Variants in EPG5 observed in about 807,000 individuals in gnomAD.
EPG5 encodes the protein ectopic P-granules 5 autophagy tethering factor.
EPG5 carries 159 observed loss-of-function variants against 302.7 expected under a neutral mutation model. The observed-to-expected ratio is 0.53, with a 90% CI of 0.46 to 0.60. The LOEUF (loss-of-function observed/expected upper bound fraction) is 0.60, where lower values mean the gene tolerates loss of function less well. Among genes scored for constraint, EPG5 ranks in the 20% least tolerant of loss-of-function variants. The pLI is 0.00. For synonymous variants in EPG5, 1,158 were observed against 1,136.8 expected (o/e 1.02, Z -0.37); for missense variants, 2,896 against 3,092.4 (o/e 0.94, Z 1.51).
chr18:45,828,582 G>A, the EPG5 span, among the ~76,000 whole-genome samples: 1 of 152,156 alleles, frequency 6.6e-6, no homozygotes, highest in Admixed American at 6.5e-5. Flanking sequence ...AACCCCTTGT[G>A]CCAGGCCTGT....
intron 29 of EPG5, among the ~76,000 whole-genome samples, chr18:45,886,803 C>A (rs1002464111): frequency 6.6e-6 from 1 of 152,096 alleles, no homozygotes; most frequent in Non-Finnish European, 1.5e-5. Context: ...GGATTATAGG[C>A]ACGCACCACC....
At chr18:45,819,154 A>G in the EPG5 span, among the ~76,000 whole-genome samples, 4 of 152,238 alleles carry the variant, frequency 2.6e-5, no homozygotes, top group African/African-American at 7.2e-5. Context: ...TGACTCATTT[A>G]AATATCACCT....
At chr18:45,830,528 A>G in the EPG5 span, among the ~76,000 whole-genome samples, 1,427 of 151,204 alleles carry the variant, frequency 9.4e-3, 17 homozygotes, top group African/African-American at 0.031. Context: ...CTTTCAGGTC[A>G]GTTTTCTGAA....
chr18:45,855,612 C>A lies in EPG5; in HGVS notation c.7518G>T (p.Arg2506Ser), dbSNP rs2048500149. 3.1e-6 allele frequency: 5 copies of A among 1,614,068 alleles called. No individual in the cohort carries two copies. The highest frequency in any genetic ancestry group is 2.2e-5 in the East Asian group (1 of 44,878). Residue 2506 changes from arginine to serine, a missense_variant, in exon 43 of 44, where the codon AGG becomes AGT. By Grantham distance (110) the Arg-to-Ser change is moderately radical. Coordinates refer to ENST00000282041, the MANE Select transcript of EPG5 (RefSeq NM_020964.3). ...GGGTCAGATGTAATTCAGAGCCAGGCCTCAAACGGATCTGATCTTCCATAG... is the reference window on the plus strand; with the variant it reads ...GGGTCAGATGTAATTCAGAGCCAGGACTCAAACGGATCTGATCTTCCATAG... The part of the protein sequence containing the change: ...QVPMEDQIRL[R>S]PGSELHLTPK...
rs1036019427 is a variant in EPG5, at chr18:45,913,714, C to T, written c.3808G>A (p.Ala1270Thr). 2 of 1,614,058 alleles carry T rather than the reference C, an allele frequency of 1.2e-6. No homozygotes were observed. Among genetic ancestry groups the T allele is most frequent in the African/African-American group, 2.7e-5 (2 of 75,042 alleles). The change falls in exon 21 of 44, where the codon GCT (alanine) becomes ACT (threonine). Residue 1270 changes from alanine (A) to threonine (T), a missense_variant. Ala to Thr is a moderately conservative substitution (Grantham distance 58). Coordinates refer to ENST00000282041, the MANE Select transcript of EPG5 (RefSeq NM_020964.3). ...AGAACTGCTATTTGTACCTTCAGAG[C>T]TTGGTCAGGGGTGAAAGCAGAGTTT... ...VINSAFTPDQALKKAQTQLKL... is the reference protein window; with the variant it reads ...VINSAFTPDQTLKKAQTQLKL...
At chr18:45,933,342 T>C (rs1407388816) in intron 11 of EPG5, among the ~76,000 whole-genome samples, 1 of 151,568 alleles carries the variant, frequency 6.6e-6, no homozygotes, top group Admixed American at 6.6e-5. Context: ...CAGAGCCCCA[T>C]AAAAGAAAAA....
intron 21 of EPG5, among the ~76,000 whole-genome samples, chr18:45,913,337 T>C (rs1468719272): frequency 6.6e-6 from 1 of 152,152 alleles, no homozygotes; most frequent in Non-Finnish European, 1.5e-5. Context: ...AAGAATCAGC[T>C]AGGAGTTTCA....
intron 11 of EPG5, among the ~76,000 whole-genome samples, chr18:45,931,759 T>C (rs1021392786): frequency 2.0e-5 from 3 of 152,024 alleles, no homozygotes; most frequent in Non-Finnish European, 4.4e-5. Context: ...CACTTGAACC[T>C]GGGAGGCGGA....
intron 27 of EPG5, among the ~76,000 whole-genome samples, chr18:45,896,499 A>G (rs9958360): frequency 0.044 from 6,633 of 151,892 alleles, 422 homozygotes; most frequent in African/African-American, 0.14. Flanking sequence ...TCTCTCCTTC[A>G]TTACTTTTCC....
At chr18:45,864,891 C>T (rs1473993156) in intron 39 of EPG5, among the ~76,000 whole-genome samples, 5 of 152,234 alleles carry the variant, frequency 3.3e-5, no homozygotes, top group Admixed American at 6.5e-5. Flanking sequence ...AAACAGGTAA[C>T]TGTCTTTGCC....
chr18:45,913,559 C>T, intron 21 of EPG5, 147 bp downstream of exon 21: 1 of 946,454 alleles, frequency 1.1e-6, no homozygotes, highest in Non-Finnish European at 1.6e-6. Context: ...TCTTCAATTA[C>T]ACAGTTTTAA....
intron 37 of EPG5, 138 bp from the exon 38 acceptor site, chr18:45,867,145 A>G: frequency 1.5e-6 from 1 of 659,288 alleles, no homozygotes; most frequent in South Asian, 1.9e-5. Flanking sequence ...GTAAGTATCT[A>G]CTCGAGTTAG....
At chr18:45,841,960 A>G in the EPG5 span, 2 of 743,830 alleles carry the variant, frequency 2.7e-6, no homozygotes, top group African/African-American at 3.5e-5. Context: ...CCAGCCTCCG[A>G]TGCCATTCAT....
the EPG5 span, among the ~76,000 whole-genome samples, chr18:45,813,480 A>C: frequency 2.6e-5 from 4 of 152,196 alleles, no homozygotes; most frequent in Non-Finnish European, 1.5e-5. Flanking sequence ...TGTTTATTGC[A>C]GCACTATTCA....
chr18:45,920,482 A>G (rs1251432025), intron 16 of EPG5, among the ~76,000 whole-genome samples: 5 of 152,194 alleles, frequency 3.3e-5, no homozygotes, highest in Admixed American at 2.0e-4. Context: ...TAATAAAGAA[A>G]AAAAGGCTTA....
At chr18:45,966,436 GTA>G (rs927928295) in intron 1 of EPG5, among the ~76,000 whole-genome samples, 3 of 141,596 alleles carry the variant, frequency 2.1e-5, no homozygotes, top group African/African-American at 9.1e-5. Flanking sequence ...ATATATGTAC[GTA>G]TATATGTATA....
At chr18:45,903,936 T>C in intron 25 of EPG5, 37 bp downstream of exon 25, 1 of 1,572,558 alleles carries the variant, frequency 6.4e-7, no homozygotes, top group Non-Finnish European at 8.6e-7. Flanking sequence ...AATCATTCAT[T>C]CACTCATTCG....
the EPG5 span, among the ~76,000 whole-genome samples, chr18:45,803,582 G>C: frequency 1.3e-5 from 2 of 152,202 alleles, no homozygotes; most frequent in African/African-American, 4.8e-5. Flanking sequence ...GGCAACCCCA[G>C]CTGCTAGAAA....
chr18:45,943,456 A>G (rs2050715103), intron 8 of EPG5, 145 bp from the exon 9 acceptor site: 2 of 674,252 alleles, frequency 3.0e-6, no homozygotes, highest in Admixed American at 2.9e-5. Context: ...CCATATCAAC[A>G]TGAAATGGGA....
Sources: allele counts gnomAD v4.1 joint callset (sites outside exome capture counted in the v4.1 genomes callset), GRCh38; gene constraint gnomAD v4.1.1; transcripts MANE v1.5; gene names NCBI Gene and HGNC (gene_info 2026-07-23, HGNC 2026-07-21).